The following PRKCH variants were observed in gnomAD, a reference collection of about 807,000 sequenced individuals.
The protein encoded by PRKCH is protein kinase C eta, also known as protein kinase C eta type.
In PRKCH, 28 loss-of-function variants were observed where a neutral mutation model predicts 82.5. That is an observed-to-expected ratio of 0.34 (90% CI 0.25 to 0.47). The LOEUF is 0.47. Among genes scored for constraint, PRKCH ranks in the 20% least tolerant of loss-of-function variants. PRKCH has a pLI of 1.00. For synonymous variants in PRKCH, 322 were observed against 327.4 expected, an observed-to-expected ratio of 0.98 and a Z score of 0.18; for missense variants, 705 against 881.8, an observed-to-expected ratio of 0.80 and a Z score of 2.54.
At chr14:61,301,358 A>G (rs1209742885) in intron 1 of PRKCH, among the ~76,000 whole-genome samples, 1 of 152,236 alleles carries the variant, frequency 6.6e-6, no homozygotes, top group East Asian at 1.9e-4. Context: ...AGGAAAATAA[A>G]CATTTTTCAA....
chr14:61,502,836 A>G (rs1443252352), intron 10 of PRKCH, among the ~76,000 whole-genome samples: 1 of 152,090 alleles, frequency 6.6e-6, no homozygotes, highest in Non-Finnish European at 1.5e-5. Context: ...TCACCGAGTG[A>G]GGATTTTAAC....
intron 10 of PRKCH, among the ~76,000 whole-genome samples, chr14:61,490,221 C>T (rs564021857): frequency 6.2e-4 from 94 of 152,318 alleles, no homozygotes; most frequent in Non-Finnish European, 7.6e-4. Context: ...GCTTTTGCCC[C>T]ACAGAGGCTC....
intron 1 of PRKCH, among the ~76,000 whole-genome samples, chr14:61,323,971 C>A (rs547397810): frequency 1.3e-5 from 2 of 152,310 alleles, no homozygotes; most frequent in East Asian, 3.9e-4. Context: ...TGAGAAGCAT[C>A]TCTTCCTGGA....
chr14:61,462,289 C>T (rs1055002094), intron 9 of PRKCH, among the ~76,000 whole-genome samples: 1 of 152,240 alleles, frequency 6.6e-6, no homozygotes, highest in South Asian at 2.1e-4. Flanking sequence ...ACTCCAGAGG[C>T]TGAGACAGGA....
chr14:61,403,409 G>A (rs981624331), intron 2 of PRKCH, among the ~76,000 whole-genome samples: 1 of 152,180 alleles, frequency 6.6e-6, no homozygotes, highest in African/African-American at 2.4e-5. Flanking sequence ...TGTACAGTTA[G>A]GTGATACAGG....
intron 1 of PRKCH, chr14:61,327,006 G>T (rs899577227): frequency 4.4e-6 from 2 of 455,528 alleles, no homozygotes; most frequent in African/African-American, 4.0e-5. Flanking sequence ...CAGAGTGCTG[G>T]GGACATGGGG....
At chr14:61,549,116 C>T (rs1318785312) in intron 13 of PRKCH, among the ~76,000 whole-genome samples, 2 of 152,180 alleles carry the variant, frequency 1.3e-5, no homozygotes, top group Non-Finnish European at 2.9e-5. Flanking sequence ...AGAGCATGGC[C>T]TTCAGAGGCT....
At chr14:61,491,663 A>G (rs17098544) in intron 10 of PRKCH, among the ~76,000 whole-genome samples, 29,720 of 152,132 alleles carry the variant, frequency 0.2, 3,274 homozygotes, top group African/African-American at 0.3. Context: ...TTCTTAGAGT[A>G]GCTCAGCATT....
At chr14:61,291,076 T>C (rs1401833005) in intron 1 of PRKCH, among the ~76,000 whole-genome samples, 1 of 152,204 alleles carries the variant, frequency 6.6e-6, no homozygotes, top group Non-Finnish European at 1.5e-5. Flanking sequence ...CAAGATAATA[T>C]GCCAAGTACA....
chr14:61,403,455 G>A (rs1881772116), intron 2 of PRKCH, among the ~76,000 whole-genome samples: 1 of 152,064 alleles, frequency 6.6e-6, no homozygotes, highest in African/African-American at 2.4e-5. Context: ...CTTTCTTTTT[G>A]TTTCTGATTA....
At chr14:61,230,884 G>A (rs941682445) in intron 1 of PRKCH, among the ~76,000 whole-genome samples, 2 of 152,224 alleles carry the variant, frequency 1.3e-5, no homozygotes, top group Non-Finnish European at 2.9e-5. Context: ...ACTTAGTATG[G>A]TTGATCCTGG....
chr14:61,403,766 A>G (rs934962146), intron 2 of PRKCH, among the ~76,000 whole-genome samples: 1 of 152,204 alleles, frequency 6.6e-6, no homozygotes, highest in Non-Finnish European at 1.5e-5. Context: ...CTTACTGACT[A>G]GCATTCTCCT....
intron 1 of PRKCH, among the ~76,000 whole-genome samples, chr14:61,188,274 G>A (rs1434960228): frequency 1.3e-5 from 2 of 152,230 alleles, no homozygotes. Context: ...AGAGGGGAGG[G>A]GAGGCGGCCC....
intron 9 of PRKCH, among the ~76,000 whole-genome samples, chr14:61,458,039 G>A (rs888625485): frequency 6.6e-6 from 1 of 152,236 alleles, no homozygotes. Context: ...GAATTTGGCT[G>A]TGACTCTGCT....
In PRKCH at chr14:61,381,446, G is replaced by T. The variant is rs567410900; in HGVS notation, c.364-9779G>T. Among the ~76,000 whole-genome samples the T allele has an allele frequency of 2.6e-5, 4 of 152,328 alleles. No individual in the cohort carries two copies. In the South Asian group the frequency reaches 8.3e-4, roughly 32 times the overall value. On this transcript the variant is annotated intron_variant, in intron 1 of 13. Transcript: ENST00000332981. ...AGTATGCTTTAACACATAACACCTA[G>T]TGTCATTGTTATAGAGATGAAAGTA... is the stretch of plus-strand genomic sequence containing the variant.
intron 1 of PRKCH, among the ~76,000 whole-genome samples, chr14:61,266,024 G>A (rs1279843204): frequency 6.6e-6 from 1 of 152,086 alleles, no homozygotes; most frequent in Non-Finnish European, 1.5e-5. Context: ...GAACCTGGGA[G>A]GCAGAAGTTG....
At chr14:61,237,584 T>C (rs2044800962) in intron 1 of PRKCH, among the ~76,000 whole-genome samples, 1 of 152,216 alleles carries the variant, frequency 6.6e-6, no homozygotes, top group Non-Finnish European at 1.5e-5. Flanking sequence ...CAACCCCTTA[T>C]CTTAACCCAG....
At chr14:61,215,996 G>A (rs1010266116) in intron 1 of PRKCH, among the ~76,000 whole-genome samples, 15 of 152,098 alleles carry the variant, frequency 9.9e-5, no homozygotes, top group Admixed American at 7.9e-4. Context: ...AATCTACTCT[G>A]CCCAACTTTG....
chr14:61,493,576 A>G (rs1390486897), intron 10 of PRKCH, among the ~76,000 whole-genome samples: 4 of 152,276 alleles, frequency 2.6e-5, no homozygotes, highest in Admixed American at 1.3e-4. Flanking sequence ...AAGAAGGGAA[A>G]GAATCATTAT....
Sources: gnomAD v4.1 joint callset for allele counts (sites outside exome capture counted in the v4.1 genomes callset) on GRCh38, gnomAD v4.1.1 for gene constraint, MANE v1.5 for transcripts, NCBI Gene and HGNC (gene_info 2026-07-23, HGNC 2026-07-21) for gene names.